SIRT1: variants seen among roughly 807,000 people sequenced by gnomAD.
SIRT1 encodes the protein sirtuin 1.
SIRT1 carries 24 observed loss-of-function variants against 67.9 expected under a neutral mutation model. The observed-to-expected ratio is 0.35, with a 90% CI of 0.26 to 0.50. SIRT1 has a LOEUF of 0.50. SIRT1 is among the 20% of genes least tolerant of loss of function. SIRT1 has a pLI of 0.98. For synonymous variants in SIRT1, 378 were observed against 350.7 expected (o/e 1.08, Z -0.87); for missense variants, 873 against 937.2 (o/e 0.93, Z 0.89).
intron 4 of SIRT1, among the ~76,000 whole-genome samples, chr10:67,901,166 CT>C (rs11390488): frequency 3.4e-5 from 5 of 148,404 alleles, no homozygotes; most frequent in Non-Finnish European, 6.0e-5. Context: ...TTTAGGTTTT[CT>C]TTTTTTTTTG....
At chr10:67,899,032 G>A (rs892536855) in intron 4 of SIRT1, among the ~76,000 whole-genome samples, 1 of 152,120 alleles carries the variant, frequency 6.6e-6, no homozygotes, top group Non-Finnish European at 1.5e-5. Flanking sequence ...TATGTCTCCA[G>A]TGTTCTTAGG....
intron 4 of SIRT1, among the ~76,000 whole-genome samples, chr10:67,894,086 G>A (rs1194286518): frequency 5.3e-5 from 8 of 152,110 alleles, no homozygotes; most frequent in Non-Finnish European, 8.8e-5. Flanking sequence ...ACCAGCCTGC[G>A]CAACACAGTG....
intron 4 of SIRT1, among the ~76,000 whole-genome samples, chr10:67,900,184 C>T (rs118184124): frequency 0.021 from 3,159 of 152,116 alleles, 108 homozygotes; most frequent in East Asian, 0.16. Flanking sequence ...CGCATTCTGT[C>T]GCTCAAGTTG....
chr10:67,887,229 T>C (rs978346672), intron 1 of SIRT1, among the ~76,000 whole-genome samples, 188 bp from the exon 2 acceptor site: 2 of 152,166 alleles, frequency 1.3e-5, no homozygotes, highest in African/African-American at 4.8e-5. Context: ...TGAAACTGAG[T>C]GAGCAGAATT....
intron 4 of SIRT1, among the ~76,000 whole-genome samples, chr10:67,903,113 T>C (rs1046605358): frequency 1.3e-5 from 2 of 152,030 alleles, no homozygotes; most frequent in African/African-American, 4.8e-5. Context: ...GTGTGAATTT[T>C]GTTATGTTGT....
chr10:67,892,265 T>C (rs1354319649), intron 4 of SIRT1, among the ~76,000 whole-genome samples: 7 of 152,146 alleles, frequency 4.6e-5, no homozygotes, highest in African/African-American at 2.4e-5. Flanking sequence ...ACTTTTGATA[T>C]TGGGTTAAAT....
At chr10:67,901,339 T>C (rs1280925578) in intron 4 of SIRT1, among the ~76,000 whole-genome samples, 1 of 152,114 alleles carries the variant, frequency 6.6e-6, no homozygotes, top group African/African-American at 2.4e-5. Flanking sequence ...TCTCGCCATG[T>C]TGCCCAGTCC....
At chr10:67,890,727 T>C (rs1374494610) in intron 3 of SIRT1, among the ~76,000 whole-genome samples, 1 of 149,558 alleles carries the variant, frequency 6.7e-6, no homozygotes, top group African/African-American at 2.5e-5. Context: ...AGCGAAACTG[T>C]CTAAAAAGAA....
chr10:67,903,022 G>C (rs893742115), intron 4 of SIRT1, among the ~76,000 whole-genome samples: 1 of 152,142 alleles, frequency 6.6e-6, no homozygotes, highest in African/African-American at 2.4e-5. Flanking sequence ...ACCCAGGAGA[G>C]GTGGAGGTTG....
chr10:67,914,698 A>T (rs1275228512), intron 8 of SIRT1, among the ~76,000 whole-genome samples: 1 of 151,080 alleles, frequency 6.6e-6, no homozygotes, highest in Non-Finnish European at 1.5e-5. Flanking sequence ...TGGAACAGTC[A>T]TTTTTTTTTA....
chr10:67,893,767 A>G (rs1337252210), intron 4 of SIRT1, among the ~76,000 whole-genome samples: 1 of 150,450 alleles, frequency 6.6e-6, no homozygotes, highest in Non-Finnish European at 1.5e-5. Flanking sequence ...TTGGTCTTGA[A>G]CTCCTGACCT....
chr10:67,893,446 C>T (rs10823104), intron 4 of SIRT1, among the ~76,000 whole-genome samples: 11,457 of 151,726 alleles, frequency 0.076, 706 homozygotes, highest in East Asian at 0.3. Flanking sequence ...TGGCTTCCAG[C>T]GAAGGAGTCT....
rs1238826257 is a variant in SIRT1, at chr10:67,916,268, A to G, written c.1919A>G (p.Asn640Ser). ...CATTTTTATTACTGTATTTCAGGTA[A>G]TCAGTATCTGTTTTTGCCACCAAAT... ...KEQISRRLDG[N>S]QYLFLPPNRY... The change falls in exon 9 of 9, where the codon AAT (asparagine) becomes AGT (serine). Residue 640 changes from asparagine (N) to serine (S), a missense_variant. By Grantham distance (46) the Asn-to-Ser change is conservative. Transcript: ENST00000212015. 1.3e-6 allele frequency: 2 copies of G among 1,595,400 alleles called. No homozygotes were observed. Among genetic ancestry groups the G allele is most frequent in the Non-Finnish European group, 1.7e-6 (2 of 1,165,136 alleles).
intron 5 of SIRT1, among the ~76,000 whole-genome samples, chr10:67,907,793 T>C (rs1247388164): frequency 6.6e-6 from 1 of 152,236 alleles, no homozygotes; most frequent in East Asian, 1.9e-4. Context: ...GGCATCATTA[T>C]ATTAGTGTCT....
chr10:67,892,205 G>T (rs1842584599), intron 4 of SIRT1, among the ~76,000 whole-genome samples: 1 of 152,118 alleles, frequency 6.6e-6, no homozygotes, highest in South Asian at 2.1e-4. Flanking sequence ...ACAAATATTG[G>T]TTTTTATATG....
chr10:67,917,966 C>A lies in SIRT1; in HGVS notation c.*1373C>A, dbSNP rs1312947740. On this transcript the variant is annotated 3_prime_UTR_variant, in exon 9 of 9. Transcript: ENST00000212015. ...TCCTCTGTTGCTTTAGTATTTATTA[C>A]AATAAAAAGGGTTTGAAATATAGCT... The A allele has an allele frequency of 6.6e-6, 1 of 152,412 alleles. No individual in the cohort carries two copies. The highest frequency in any genetic ancestry group is 1.5e-5 in the Non-Finnish European group (1 of 67,996). 9.4% of individuals were successfully genotyped at this position (152,412 alleles called of 1,614,324 possible).
chr10:67,892,308 T>A (rs1459501425), intron 4 of SIRT1, among the ~76,000 whole-genome samples: 1 of 152,214 alleles, frequency 6.6e-6, no homozygotes, highest in South Asian at 2.1e-4. Context: ...TGTTGCCTCA[T>A]GCCTGTAATT....
In SIRT1 at chr10:67,889,649, C is replaced by T. The variant is rs1842538177; in HGVS notation, c.789+526C>T. Reference sequence around the variant, plus strand: ...GCTAATTAGTTACCTAAGACTATTGCATAGTGTGTGTTTTATACAGAGTAT... The same window carrying T: ...GCTAATTAGTTACCTAAGACTATTGTATAGTGTGTGTTTTATACAGAGTAT... On this transcript the variant is annotated intron_variant, in intron 3 of 8. Transcript: ENST00000212015. Among the ~76,000 whole-genome samples, 3 of 152,164 alleles carry T rather than the reference C, an allele frequency of 2.0e-5. 1 individual carries two copies. Among genetic ancestry groups the T allele is most frequent in the East Asian group, 3.8e-4 (2 of 5,198 alleles).
chr10:67,887,452 G>T lies in SIRT1; in HGVS notation c.466G>T (p.Gly156Cys). ...LLFGDEIITN[G>C]FHSCESDEED... ...GTTCGGTGATGAAATTATCACTAAT[G>T]GTTTTCATTCCTGTGAAAGTGATGA... Residue 156 changes from glycine (G) to cysteine (C), a missense_variant, in exon 2 of 9, where the codon GGT (glycine) becomes TGT (cysteine). Physicochemically the swap from Gly to Cys is radical, Grantham distance 159 (BLOSUM62 -3). Around this residue, in one of 3 missense-constraint regions of SIRT1, gnomAD observed 327 missense variants for 283.9 expected, o/e 1.15. Transcript: ENST00000212015. The T allele has an allele frequency of 6.2e-7, 1 of 1,613,768 alleles. No individual in the cohort carries two copies. Among genetic ancestry groups the T allele is most frequent in the South Asian group, 1.1e-5 (1 of 91,056 alleles).
Sources: gnomAD v4.1 joint callset for allele counts (sites outside exome capture counted in the v4.1 genomes callset) on GRCh38, gnomAD v4.1.1 for gene constraint, gnomAD v4.1.1 regional missense constraint, MANE v1.5 for transcripts, NCBI Gene and HGNC (gene_info 2026-07-23, HGNC 2026-07-21) for gene names.